ZNF385D: variants seen among roughly 807,000 people sequenced by gnomAD.
ZNF385D encodes zinc finger protein 659.
In ZNF385D, 15 loss-of-function variants were observed where a neutral mutation model predicts 35.8. The observed-to-expected ratio is 0.42, with a 90% CI of 0.28 to 0.64. The LOEUF is 0.64. ZNF385D is among the 30% of genes least tolerant of loss of function. The pLI is 0.23. For synonymous variants in ZNF385D, 212 were observed against 186.8 expected (o/e 1.13, Z -1.10); for missense variants, 474 against 494.6 (o/e 0.96, Z 0.39).
chr3:21,696,321 G>A (rs2067468265), intron 1 of ZNF385D, among the ~76,000 whole-genome samples: 2 of 152,270 alleles, frequency 1.3e-5, no homozygotes, highest in Non-Finnish European at 2.9e-5. Context: ...CCATGTCTTA[G>A]TTACTTTATC....
In ZNF385D at chr3:22,080,611, A is replaced by C. The variant is rs1222284095; in HGVS notation, c.325+88206T>G. On this transcript the variant is annotated intron_variant, in intron 3 of 5. Transcript: ENST00000494108. The stretch of plus-strand genomic sequence containing the variant: ...TAAAAAATTTTATATTTTATATACA[A>C]AATATACATTTCCGTATCCATTTTA... Among the ~76,000 whole-genome samples the C allele has an allele frequency of 2.6e-5, 4 of 151,998 alleles. No individual in the cohort carries two copies. The East Asian group carries it at 5.8e-4, about 22-fold the overall frequency.
intron 1 of ZNF385D, among the ~76,000 whole-genome samples, chr3:21,706,291 T>C (rs748653179): frequency 5.1e-4 from 78 of 152,124 alleles, no homozygotes; most frequent in Admixed American, 9.2e-4. Flanking sequence ...AATAGCTTGA[T>C]TGAGATACAG....
chr3:22,031,272 C>T (rs1224987489), intron 3 of ZNF385D, among the ~76,000 whole-genome samples: 1 of 152,186 alleles, frequency 6.6e-6, no homozygotes. Context: ...TGTGGGGGCT[C>T]CAAGCCCACA....
At chr3:22,369,860 A>G (rs1696820813) in intron 2 of ZNF385D, among the ~76,000 whole-genome samples, 1 of 152,218 alleles carries the variant, frequency 6.6e-6, no homozygotes, top group Admixed American at 6.5e-5. Context: ...ACTCATAAGT[A>G]CTGAATTTAT....
intron 3 of ZNF385D, among the ~76,000 whole-genome samples, chr3:21,774,812 G>A (rs1253678121): frequency 1.3e-5 from 2 of 151,834 alleles, no homozygotes; most frequent in East Asian, 1.9e-4. Context: ...CAGCTTAGGG[G>A]AAAAGTTAAC....
chr3:22,193,197 A>T (rs1418564653), intron 2 of ZNF385D, among the ~76,000 whole-genome samples: 1 of 152,132 alleles, frequency 6.6e-6, no homozygotes, highest in East Asian at 1.9e-4. Flanking sequence ...ACTTTATTTG[A>T]CACCTTCCTT....
At chr3:22,280,014 T>C (rs1701655447) in intron 2 of ZNF385D, among the ~76,000 whole-genome samples, 1 of 152,122 alleles carries the variant, frequency 6.6e-6, no homozygotes, top group Non-Finnish European at 1.5e-5. Context: ...GTGGTTTTGA[T>C]TTGCATTTCC....
chr3:21,763,372 G>C (rs75465864), intron 3 of ZNF385D, among the ~76,000 whole-genome samples: 15 of 151,946 alleles, frequency 9.9e-5, no homozygotes, highest in South Asian at 8.3e-4. Flanking sequence ...TCATTACTTC[G>C]AAAAGAAAAT....
intron 3 of ZNF385D, chr3:21,961,634 A>G (rs1055950313): frequency 6.6e-6 from 1 of 152,112 alleles, no homozygotes; most frequent in African/African-American, 2.4e-5. Context: ...TACATACATT[A>G]TTTCATTGAT....
chr3:22,222,704 G>A (rs934404253), intron 2 of ZNF385D, among the ~76,000 whole-genome samples: 1 of 152,136 alleles, frequency 6.6e-6, no homozygotes. Flanking sequence ...AAAGCCAAAT[G>A]AAAGAACGGA....
intron 3 of ZNF385D, among the ~76,000 whole-genome samples, chr3:22,148,078 T>C (rs780168941): frequency 1.3e-5 from 2 of 152,206 alleles, no homozygotes; most frequent in Non-Finnish European, 2.9e-5. Flanking sequence ...TTATCCCACT[T>C]TAACAACTTT....
intron 2 of ZNF385D, among the ~76,000 whole-genome samples, chr3:21,593,483 T>A (rs2064041231): frequency 6.6e-6 from 1 of 152,156 alleles, no homozygotes; most frequent in African/African-American, 2.4e-5. Flanking sequence ...ATATTTTCTA[T>A]ACGAGTTTTA....
intron 3 of ZNF385D, among the ~76,000 whole-genome samples, chr3:22,083,110 C>G (rs550382366): frequency 6.6e-6 from 1 of 152,176 alleles, no homozygotes; most frequent in Non-Finnish European, 1.5e-5. Context: ...GATAAAACCA[C>G]GAAGATGGGG....
At chr3:21,919,994 T>A (rs1700373169) in intron 3 of ZNF385D, among the ~76,000 whole-genome samples, 1 of 152,236 alleles carries the variant, frequency 6.6e-6, no homozygotes, top group Non-Finnish European at 1.5e-5. Flanking sequence ...ATTGGAATCA[T>A]CATCACATTG....
At chr3:21,836,521 T>G (rs568109769) in intron 3 of ZNF385D, among the ~76,000 whole-genome samples, 1 of 152,068 alleles carries the variant, frequency 6.6e-6, no homozygotes, top group Non-Finnish European at 1.5e-5. Context: ...AAGAAAATTC[T>G]CAAATCTCCA....
At chr3:21,536,033 T>A in intron 3 of ZNF385D, among the ~76,000 whole-genome samples, 1 of 151,874 alleles carries the variant, frequency 6.6e-6, no homozygotes, top group Non-Finnish European at 1.5e-5. Context: ...GTTTAATAAA[T>A]ATTCCCCTAT....
intron 1 of ZNF385D, among the ~76,000 whole-genome samples, chr3:21,732,030 G>GTTTTTTTTTTTTTTTT (rs1214143626): frequency 2.7e-5 from 1 of 37,370 alleles, no homozygotes; most frequent in South Asian, 8.2e-4. Flanking sequence ...TTTTTTCGGG[G>GTTTTTTTTTTTTTTTT]TTTTTTTTTT....
chr3:21,903,588 G>A (rs185763719), intron 3 of ZNF385D, among the ~76,000 whole-genome samples: 1 of 152,138 alleles, frequency 6.6e-6, no homozygotes, highest in African/African-American at 2.4e-5. Context: ...GGTGATGATT[G>A]CAGTGGTATA....
intron 3 of ZNF385D, among the ~76,000 whole-genome samples, chr3:21,866,315 A>G (rs7619843): frequency 0.41 from 61,962 of 151,688 alleles, 12,866 homozygotes; most frequent in Non-Finnish European, 0.43. Context: ...TTAGCTGGGC[A>G]TGGTGGCGTG....
Sources: gnomAD v4.1 joint callset for allele counts (sites outside exome capture counted in the v4.1 genomes callset) on GRCh38, gnomAD v4.1.1 for gene constraint, MANE v1.5 for transcripts, NCBI Gene and HGNC (gene_info 2026-07-23, HGNC 2026-07-21) for gene names.